RAB28: variants seen among roughly 807,000 people sequenced by gnomAD.
The protein encoded by RAB28 is ras-related protein Rab-28.
RAB28 carries 24 observed loss-of-function variants against 31.7 expected under a neutral mutation model. The ratio of observed to expected loss-of-function variants is 0.76; its 90% CI spans 0.55 to 1.06. The LOEUF (loss-of-function observed/expected upper bound fraction) is 1.06, where lower values mean the gene tolerates loss of function less well. Among genes scored for constraint, RAB28 ranks in the 50% least tolerant of loss-of-function variants. RAB28 has a pLI of 0.00. For missense variants in RAB28, 254 were observed against 258.5 expected, an observed-to-expected ratio of 0.98 and a Z score of 0.12; for synonymous variants, 100 against 90.4, an observed-to-expected ratio of 1.11 and a Z score of -0.60.
intron 4 of RAB28, among the ~76,000 whole-genome samples, chr4:13,420,992 A>C (rs954889886): frequency 6.6e-5 from 10 of 152,202 alleles, no homozygotes; most frequent in Non-Finnish European, 1.5e-4. Context: ...ACATGATTGT[A>C]TATTTAGAAA....
chr4:13,370,997 C>A (rs1167519867), intron 6 of RAB28: 1 of 983,964 alleles, frequency 1.0e-6, no homozygotes, highest in Non-Finnish European at 1.2e-6. Flanking sequence ...CATGTGATTG[C>A]AAATAACTTA....
intron 6 of RAB28, among the ~76,000 whole-genome samples, chr4:13,376,219 A>T (rs1728915948): frequency 6.6e-6 from 1 of 152,136 alleles, no homozygotes; most frequent in South Asian, 2.1e-4. Flanking sequence ...AATTGAATAG[A>T]GGCTCCAAAA....
At position 13,460,806 on chromosome 4, in the gene RAB28, A is replaced by G; in HGVS notation, c.284T>C (p.Ile95Thr). Residue 95 changes from isoleucine to threonine, a missense_variant, in exon 4 of 7, where the codon ATT becomes ACT. Coordinates refer to ENST00000330852, the MANE Select transcript of RAB28 (RefSeq NM_001017979.3). ...ATTCTCAAAGCTTTGATAATTTGTA[A>G]TATCATATACCAAGAGGACTCCCTG... ...GAQGVLLVYD[I>T]TNYQSFENLE... 1 of 1,613,274 alleles carries G rather than the reference A, an allele frequency of 6.2e-7. No individual in the cohort carries two copies. Among genetic ancestry groups the G allele is most frequent in the Non-Finnish European group, 8.5e-7 (1 of 1,179,294 alleles).
intron 2 of RAB28, among the ~76,000 whole-genome samples, chr4:13,478,584 A>G (rs1452914136): frequency 2.2e-4 from 34 of 151,698 alleles, no homozygotes; most frequent in Admixed American, 2.2e-3. Flanking sequence ...ATTTCAGTAC[A>G]TGAATCTGAC....
intron 4 of RAB28, chr4:13,459,825 G>T (rs898388105): frequency 7.9e-7 from 1 of 1,259,988 alleles, no homozygotes. Context: ...TCAATGAAAT[G>T]CATCGCTCAA....
At chr4:13,403,673 G>A (rs149569002) in intron 4 of RAB28, among the ~76,000 whole-genome samples, 3 of 152,188 alleles carry the variant, frequency 2.0e-5, no homozygotes, top group African/African-American at 7.2e-5. Flanking sequence ...CCTGTAAAGT[G>A]CCCCGGCGTA....
intron 4 of RAB28, among the ~76,000 whole-genome samples, chr4:13,383,851 T>A (rs1192754999): frequency 6.6e-6 from 1 of 152,212 alleles, no homozygotes; most frequent in African/African-American, 2.4e-5. Flanking sequence ...CAGACCTGAA[T>A]GATGCAGGGC....
At chr4:13,449,085 A>G (rs995059738) in intron 4 of RAB28, among the ~76,000 whole-genome samples, 2 of 151,974 alleles carry the variant, frequency 1.3e-5, no homozygotes, top group Non-Finnish European at 2.9e-5. Flanking sequence ...AAGAGAATGA[A>G]CTTTTCAAAT....
At chr4:13,386,746 G>A (rs1040758746) in intron 4 of RAB28, among the ~76,000 whole-genome samples, 1 of 152,106 alleles carries the variant, frequency 6.6e-6, no homozygotes, top group South Asian at 2.1e-4. Flanking sequence ...CCATTACTGG[G>A]TATATACCCA....
chr4:13,479,405 A>G (rs1716507806), intron 2 of RAB28, 25 bp downstream of exon 2: 1 of 1,501,656 alleles, frequency 6.7e-7, no homozygotes, highest in Admixed American at 1.8e-5. Flanking sequence ...ATAATCTTCT[A>G]CGTTAAGACT....
intron 4 of RAB28, among the ~76,000 whole-genome samples, chr4:13,393,823 G>C (rs1365106182): frequency 1.8e-5 from 2 of 111,882 alleles, no homozygotes; most frequent in African/African-American, 7.0e-5. Context: ...AGTTTATTCA[G>C]ATTAACTGTA....
chr4:13,396,361 C>T (rs1409661813), intron 4 of RAB28, among the ~76,000 whole-genome samples: 1 of 152,004 alleles, frequency 6.6e-6, no homozygotes, highest in African/African-American at 2.4e-5. Flanking sequence ...AGATAGATAA[C>T]ATGACAGATT....
At chr4:13,438,461 C>A (rs997172223) in intron 4 of RAB28, among the ~76,000 whole-genome samples, 4 of 152,122 alleles carry the variant, frequency 2.6e-5, no homozygotes, top group African/African-American at 7.2e-5. Context: ...TCAGCCCCAA[C>A]CTACTTTTTC....
chr4:13,417,111 T>G (rs1712828968), intron 4 of RAB28, among the ~76,000 whole-genome samples: 1 of 152,202 alleles, frequency 6.6e-6, no homozygotes, highest in African/African-American at 2.4e-5. Flanking sequence ...GCAGGTCCCA[T>G]GCCTATAGAG....
chr4:13,456,077 T>C (rs1211832587), intron 4 of RAB28, among the ~76,000 whole-genome samples: 4 of 152,212 alleles, frequency 2.6e-5, no homozygotes, highest in African/African-American at 9.7e-5. Context: ...CAGGTTCCCA[T>C]CACTCCTTAA....
Position 13,460,626 on chromosome 4 carries a change from T to C in RAB28, c.391+73A>G, listed in dbSNP as rs1715544481. 5.7e-6 allele frequency: 9 copies of C among 1,574,062 alleles called. No homozygotes were observed. The South Asian group carries it at 1.0e-4, about 18-fold the overall frequency. ...TCTTTGACATATAAATTGGGGGTGG[T>C]GGGGGGACACAAACATTCTGTCCAC... On this transcript the variant is annotated intron_variant, in intron 4 of 6. Transcript: ENST00000330852.
intron 4 of RAB28, among the ~76,000 whole-genome samples, chr4:13,433,957 T>C (rs761768147): frequency 3.9e-5 from 6 of 152,114 alleles, no homozygotes; most frequent in Non-Finnish European, 7.4e-5. Flanking sequence ...GTGGTATATA[T>C]ACACCATGGA....
chr4:13,427,676 T>C (rs1560289027), intron 4 of RAB28, among the ~76,000 whole-genome samples: 1 of 152,122 alleles, frequency 6.6e-6, no homozygotes, highest in Non-Finnish European at 1.5e-5. Flanking sequence ...CAGAACTCCA[T>C]GAGATTGAGC....
intron 3 of RAB28, among the ~76,000 whole-genome samples, chr4:13,472,921 T>TCACTTAA (rs2108971015): frequency 6.6e-6 from 1 of 152,060 alleles, no homozygotes; most frequent in South Asian, 2.1e-4. Context: ...AAATATCAAG[T>TCACTTAA]CACTTAACCA....
Sources: gnomAD v4.1 joint callset for allele counts (sites outside exome capture counted in the v4.1 genomes callset) on GRCh38, gnomAD v4.1.1 for gene constraint, MANE v1.5 for transcripts, NCBI Gene and HGNC (gene_info 2026-07-23, HGNC 2026-07-21) for gene names.